The following CHLSN variants were observed in gnomAD, a reference collection of about 807,000 sequenced individuals.
CHLSN encodes cholesin, also known as protein cholesin.
At chr7:1,040,440 A>C in the CHLSN span, among the ~76,000 whole-genome samples, 1 of 152,218 alleles carries the variant, frequency 6.6e-6, no homozygotes, top group Admixed American at 6.5e-5. Context: ...GGCTACAGTG[A>C]GCTATGATTG....
chr7:987,558 C>A, the CHLSN span: 1 of 1,495,996 alleles, frequency 6.7e-7, no homozygotes, highest in Non-Finnish European at 8.9e-7. Context: ...CTTGCCCCTT[C>A]CATCTCCTCT....
the CHLSN span, chr7:1,044,464 G>GGGGGCGGAGGGCGGGGCC: frequency 1.3e-5 from 1 of 78,954 alleles, no homozygotes; most frequent in Non-Finnish European, 2.4e-5. Flanking sequence ...GGGCGGGGCC[G>GGGGGCGGAGGGCGGGGCC]GGGGGCGGAG....
chr7:1,097,332 C>A, the CHLSN span, among the ~76,000 whole-genome samples: 2 of 152,146 alleles, frequency 1.3e-5, no homozygotes, highest in African/African-American at 4.8e-5. This position sits in a 1 kb window ranked among gnomAD's most constrained non-coding sequence, Gnocchi z 4.3. Context: ...ACAAGAAAGG[C>A]TCCAAGAGCA....
chr7:1,031,060 C>A, the CHLSN span, among the ~76,000 whole-genome samples: 1 of 152,220 alleles, frequency 6.6e-6, no homozygotes, highest in Non-Finnish European at 1.5e-5. Flanking sequence ...CAGTGGTCCA[C>A]ACTGAGACCC....
At chr7:1,017,725 C>T in the CHLSN span, among the ~76,000 whole-genome samples, 4 of 151,898 alleles carry the variant, frequency 2.6e-5, no homozygotes, top group African/African-American at 4.9e-5. Flanking sequence ...CAGCCGCGGA[C>T]GGCGGGATAA....
the CHLSN span, among the ~76,000 whole-genome samples, chr7:1,030,778 T>C: frequency 2.7e-5 from 4 of 150,864 alleles, no homozygotes; most frequent in Non-Finnish European, 4.4e-5. Context: ...TCTCTCTCTC[T>C]CCCCGGGCAG....
chr7:988,631 G>T, the CHLSN span: 5 of 1,602,398 alleles, frequency 3.1e-6, no homozygotes, highest in Non-Finnish European at 3.4e-6. Flanking sequence ...GACATCCCCC[G>T]CAGGCCGCCG....
the CHLSN span, among the ~76,000 whole-genome samples, chr7:1,068,900 G>C: frequency 6.6e-6 from 1 of 152,162 alleles, no homozygotes; most frequent in Non-Finnish European, 1.5e-5. Flanking sequence ...GTGATGTCCG[G>C]GAAGACTGTG....
the CHLSN span, among the ~76,000 whole-genome samples, chr7:1,008,490 A>C: frequency 6.6e-6 from 1 of 152,118 alleles, no homozygotes; most frequent in South Asian, 2.1e-4. Flanking sequence ...CCTCAGGGAG[A>C]GGGAAGCTAA....
At chr7:1,022,756 G>A in the CHLSN span, among the ~76,000 whole-genome samples, 7 of 152,110 alleles carry the variant, frequency 4.6e-5, no homozygotes, top group African/African-American at 1.4e-4. Context: ...CCCCCCAACC[G>A]TCCTCCCTCC....
chr7:1,138,226 G>A, the CHLSN span: 1 of 152,252 alleles, frequency 6.6e-6, no homozygotes, highest in East Asian at 1.9e-4. Flanking sequence ...ACCTAAGCGT[G>A]AACAGCTGCG....
chr7:1,122,446 G>C, the CHLSN span, among the ~76,000 whole-genome samples: 1 of 152,202 alleles, frequency 6.6e-6, no homozygotes, highest in African/African-American at 2.4e-5. Context: ...GGGTGGTCAC[G>C]CGTATGCCGC....
chr7:1,055,713 C>T, the CHLSN span, among the ~76,000 whole-genome samples: 303 of 152,214 alleles, frequency 2.0e-3, no homozygotes, highest in Non-Finnish European at 2.8e-3. Context: ...TGAAGGTGGC[C>T]GGCCGGGTGT....
chr7:1,108,843 T>C, the CHLSN span, among the ~76,000 whole-genome samples: 2 of 151,790 alleles, frequency 1.3e-5, no homozygotes, highest in Admixed American at 6.6e-5. Flanking sequence ...CTTTACCACC[T>C]GCTTTTGAAT....
the CHLSN span, among the ~76,000 whole-genome samples, chr7:1,133,027 C>T: frequency 5.9e-5 from 9 of 152,152 alleles, no homozygotes; most frequent in African/African-American, 2.2e-4. Flanking sequence ...GTGGAAACAA[C>T]CTCCGTGTCT....
At chr7:1,007,968 CCA>C in the CHLSN span, among the ~76,000 whole-genome samples, 1 of 152,122 alleles carries the variant, frequency 6.6e-6, no homozygotes, top group East Asian at 1.9e-4. Context: ...CCTCTCCTGC[CCA>C]CGTCCCCAAC....
At chr7:991,340 C>T in the CHLSN span, among the ~76,000 whole-genome samples, 2 of 152,230 alleles carry the variant, frequency 1.3e-5, no homozygotes, top group Non-Finnish European at 2.9e-5. Context: ...CCACGGGGTA[C>T]AGCCAGGGCC....
the CHLSN span, among the ~76,000 whole-genome samples, chr7:1,101,994 CAGA>C: frequency 6.6e-6 from 1 of 152,242 alleles, no homozygotes; most frequent in African/African-American, 2.4e-5. Context: ...GTGTGAAATG[CAGA>C]AGGTCTTGCC....
At chr7:1,115,477 C>T in the CHLSN span, among the ~76,000 whole-genome samples, 6 of 151,964 alleles carry the variant, frequency 3.9e-5, no homozygotes, top group African/African-American at 9.7e-5. Context: ...CCAACGCCCA[C>T]GCAGGATGAC....
Sources: allele counts gnomAD v4.1 joint callset (sites outside exome capture counted in the v4.1 genomes callset), GRCh38; gene constraint gnomAD v4.1.1; non-coding constraint Gnocchi (gnomAD v3.1); transcripts MANE v1.5; gene names NCBI Gene and HGNC (gene_info 2026-07-23, HGNC 2026-07-21).